The following NBN variants were observed in gnomAD, a reference collection of about 807,000 sequenced individuals.
NBN encodes the protein Nijmegen breakage syndrome 1 (nibrin).
In NBN, 88 loss-of-function variants were observed where a neutral mutation model predicts 90.8. The ratio of observed to expected loss-of-function variants is 0.97; its 90% CI spans 0.82 to 1.16. NBN has a LOEUF of 1.16. Among genes scored for constraint, NBN ranks in the 50% most tolerant of loss-of-function variants. The probability of loss-of-function intolerance (pLI) is 0.00; values close to 1 mark genes in which losing one functional copy is unlikely to be tolerated. For synonymous variants in NBN, 328 were observed against 295.1 expected (o/e 1.11, Z -1.14); for missense variants, 894 against 869.6 (o/e 1.03, Z -0.35).
intron 7 of NBN, among the ~76,000 whole-genome samples, chr8:89,967,159 T>C (rs1395737341): frequency 6.6e-6 from 1 of 152,236 alleles, no homozygotes; most frequent in East Asian, 1.9e-4. Flanking sequence ...TACTCTGCTT[T>C]ACTACCACAT....
At chr8:89,977,697 T>TA (rs1811832794) in intron 5 of NBN, among the ~76,000 whole-genome samples, 2 of 152,306 alleles carry the variant, frequency 1.3e-5, no homozygotes, top group South Asian at 4.1e-4. Context: ...ACCAACAGTG[T>TA]AAAAGCCTTA....
intron 10 of NBN, among the ~76,000 whole-genome samples, chr8:89,954,798 G>A (rs760300663): frequency 2.6e-5 from 4 of 151,922 alleles, no homozygotes; most frequent in African/African-American, 4.8e-5. Flanking sequence ...TTAACGGGAC[G>A]GCACAAGAAA....
At chr8:89,946,573 A>AT in intron 12 of NBN, 1 of 353,120 alleles carries the variant, frequency 2.8e-6, no homozygotes, top group Non-Finnish European at 5.3e-6. Context: ...CCTAGTAGTT[A>AT]TTCTAATAAA....
At chr8:89,969,007 T>G (rs544362859) in intron 7 of NBN, among the ~76,000 whole-genome samples, 2 of 152,350 alleles carry the variant, frequency 1.3e-5, no homozygotes, top group South Asian at 4.1e-4. Context: ...TTACTTTTTA[T>G]TTCAGCAAGC....
chr8:89,943,068 T>C (rs1810021716), intron 14 of NBN, among the ~76,000 whole-genome samples, 185 bp downstream of exon 14: 1 of 152,008 alleles, frequency 6.6e-6, no homozygotes, highest in East Asian at 1.9e-4. Flanking sequence ...AAAATAAATT[T>C]AGTATTCTTT....
At chr8:89,963,203 T>G (rs1409774913) in intron 8 of NBN, among the ~76,000 whole-genome samples, 1 of 152,218 alleles carries the variant, frequency 6.6e-6, no homozygotes, top group African/African-American at 2.4e-5. Context: ...GGCTAACTCC[T>G]TCCAAAATTT....
At chr8:89,949,984 A>C (rs888148105) in intron 11 of NBN, among the ~76,000 whole-genome samples, 2 of 152,218 alleles carry the variant, frequency 1.3e-5, no homozygotes, top group African/African-American at 4.8e-5. Context: ...GGATTTTATC[A>C]ATGTCAATTT....
intron 13 of NBN, among the ~76,000 whole-genome samples, chr8:89,945,284 G>C (rs1810136625): frequency 6.6e-6 from 1 of 152,198 alleles, no homozygotes; most frequent in Non-Finnish European, 1.5e-5. Context: ...AAAAGGTATA[G>C]TGGTGCCATT....
At chr8:89,941,220 A>G (rs183875683) in intron 14 of NBN, among the ~76,000 whole-genome samples, 20 of 152,344 alleles carry the variant, frequency 1.3e-4, no homozygotes, top group Admixed American at 1.0e-3. Context: ...TCAAAACAGC[A>G]TACTATATGT....
intron 5 of NBN, among the ~76,000 whole-genome samples, chr8:89,971,748 G>T (rs1811527478): frequency 6.6e-6 from 1 of 152,114 alleles, no homozygotes; most frequent in African/African-American, 2.4e-5. Context: ...TCTCTTTGGA[G>T]AAGTTCAGGA....
intron 7 of NBN, among the ~76,000 whole-genome samples, chr8:89,969,581 T>C (rs919878887): frequency 2.6e-5 from 4 of 152,236 alleles, no homozygotes; most frequent in African/African-American, 7.2e-5. Context: ...AAAACTGTCA[T>C]GAATAAAGAT....
At chr8:89,977,216 C>A (rs865872583) in intron 5 of NBN, among the ~76,000 whole-genome samples, 2 of 152,040 alleles carry the variant, frequency 1.3e-5, no homozygotes, top group Non-Finnish European at 2.9e-5. Context: ...GCTCTCCCTC[C>A]CCTTGTCCCC....
At chr8:89,936,783 C>T (rs910401485) in intron 15 of NBN, among the ~76,000 whole-genome samples, 4 of 152,120 alleles carry the variant, frequency 2.6e-5, no homozygotes, top group Admixed American at 6.5e-5. Flanking sequence ...ATTCGGGAAC[C>T]GTCTTTTTGC....
Position 89,933,370 on chromosome 8 carries a change from C to T in NBN, c.*2212G>A, listed in dbSNP as rs10464867. On this transcript the variant is annotated 3_prime_UTR_variant, in exon 16 of 16. Transcript: ENST00000265433. ...TGCGTTTATTACAATGTAATCCCAA[C>T]TTAAGGAGCATCTATGCAGCTACAG... is the stretch of plus-strand genomic sequence containing the variant. 8,156 of 219,934 alleles carry T rather than the reference C, an allele frequency of 0.037. 424 individuals are homozygous for T. Among genetic ancestry groups the T allele is most frequent in the East Asian group, 0.18 (2,749 of 14,874 alleles). The allele number at this position is 219,934 out of a possible 1,614,324, so 13.6% of individuals were successfully genotyped here. A position where few individuals can be genotyped will look rare whatever the true frequency, so the allele number is the denominator to read the frequency against.
In NBN at chr8:89,955,460, C is replaced by T. The variant is rs1473253247; in HGVS notation, c.1220G>A (p.Cys407Tyr). Residue 407 changes from cysteine to tyrosine, a missense_variant, in exon 10 of 16, where the codon TGC (cysteine) becomes TAC (tyrosine). By Grantham distance (194) the Cys-to-Tyr change is radical. Coordinates refer to ENST00000265433, the MANE Select transcript of NBN (RefSeq NM_002485.5). ...SQDAPTVKES[C>Y]KTSSNNNSMV... The stretch of plus-strand genomic sequence containing the variant: ...ACTATTATTATTAGAGCTTGTTTTG[C>T]AGGACTCCTTTACAGTGGGTGCATC... The T allele has an allele frequency of 6.2e-7, 1 of 1,613,746 alleles. No homozygotes were observed. The highest frequency in any genetic ancestry group is 8.5e-7 in the Non-Finnish European group (1 of 1,179,788).
Position 89,969,676 on chromosome 8 carries a change from G to A in NBN, c.896+688C>T, listed in dbSNP as rs181661202. Among the ~76,000 whole-genome samples the A allele has an allele frequency of 9.9e-5, 15 of 152,284 alleles. No homozygotes were observed. In the East Asian group the frequency reaches 2.9e-3, roughly 29 times the overall value. On this transcript the variant is annotated intron_variant, in intron 7 of 15. Coordinates refer to ENST00000265433, the MANE Select transcript of NBN (RefSeq NM_002485.5). ...TTTTATTAATTCTTGTATCGGCCGGGCGCAGTAGCTCACGCCTGTAATCCC... is the reference window on the plus strand; with the variant it reads ...TTTTATTAATTCTTGTATCGGCCGGACGCAGTAGCTCACGCCTGTAATCCC...
chr8:89,955,557 T>C lies in NBN; in HGVS notation c.1125-2A>G, dbSNP rs1554559373. The C allele has an allele frequency of 1.2e-6, 2 of 1,612,210 alleles. No homozygotes were observed. The highest frequency in any genetic ancestry group is 1.7e-6 in the Non-Finnish European group (2 of 1,179,362). ...TCTTTTGGCCTTTCACTCAAATCCC[T>C]GTAGAAAAAGAAAAGAATGCAAGGT... On this transcript the variant is annotated splice_acceptor_variant, in intron 9 of 15. Coordinates refer to ENST00000265433, the MANE Select transcript of NBN (RefSeq NM_002485.5). LOFTEE classifies it high-confidence loss of function.
intron 7 of NBN, among the ~76,000 whole-genome samples, chr8:89,965,504 T>A (rs897788173): frequency 2.6e-5 from 4 of 151,984 alleles, no homozygotes; most frequent in African/African-American, 9.7e-5. Flanking sequence ...TTTTTTTTTT[T>A]CTGAGACAGA....
chr8:89,942,304 C>G (rs1163301572), intron 14 of NBN, among the ~76,000 whole-genome samples: 3 of 152,120 alleles, frequency 2.0e-5, no homozygotes, highest in Non-Finnish European at 2.9e-5. Context: ...TACTAACTGT[C>G]TGGGTGATTC....
Sources: gnomAD v4.1 joint callset for allele counts (sites outside exome capture counted in the v4.1 genomes callset) on GRCh38, gnomAD v4.1.1 for gene constraint, MANE v1.5 for transcripts, NCBI Gene and HGNC (gene_info 2026-07-23, HGNC 2026-07-21) for gene names.